ASTN2: variants seen among roughly 807,000 people sequenced by gnomAD.
ASTN2 encodes astrotactin 2.
A neutral mutation model predicts 139.8 loss-of-function variants in ASTN2; 54 were observed. The observed-to-expected ratio is 0.39, with a 90% CI of 0.31 to 0.48. The LOEUF (loss-of-function observed/expected upper bound fraction) is 0.48, where lower values mean the gene tolerates loss of function less well. Ranked by LOEUF, ASTN2 falls within the 20% of genes least tolerant of loss-of-function variation. The pLI is 0.95. For synonymous variants in ASTN2, 756 were observed against 719.5 expected (o/e 1.05, Z -0.81); for missense variants, 1,565 against 1,725.1 (o/e 0.91, Z 1.64).
intron 16 of ASTN2, chr9:116,687,150 C>T: frequency 2.8e-6 from 3 of 1,074,452 alleles, no homozygotes; most frequent in Non-Finnish European, 3.4e-6. Context: ...GATTACGTGT[C>T]GCTAAGGCCC....
At position 116,976,923 on chromosome 9, in the gene ASTN2, C is replaced by G. The variant is rs1836356453; in HGVS notation, c.1592-138G>C. 3 of 671,596 alleles carry G rather than the reference C, an allele frequency of 4.5e-6. No individual in the cohort carries two copies. In the Admixed American group the frequency reaches 7.9e-5, roughly 18 times the overall value. 41.6% of individuals were successfully genotyped at this position (671,596 alleles called of 1,614,324 possible). ...GCACATGGAAAGAGGGTAATCTTGTCCATCAACCACTGTGGTTAACAGAGT... is the reference window on the plus strand; with the variant it reads ...GCACATGGAAAGAGGGTAATCTTGTGCATCAACCACTGTGGTTAACAGAGT... On this transcript the variant is annotated intron_variant, in intron 7 of 22. Transcript: ENST00000313400.
intron 4 of ASTN2, among the ~76,000 whole-genome samples, chr9:117,134,266 TTATATATATATA>T (rs5900267): frequency 5.4e-4 from 50 of 92,610 alleles, no homozygotes; most frequent in Admixed American, 3.0e-3. Context: ...CTAATGAAAA[TTATATATATATA>T]TATATATATA....
chr9:116,918,236 G>A lies in ASTN2; in HGVS notation c.1890-54503C>T, dbSNP rs540387426. Reference sequence around the variant, plus strand: ...TGATACAGTACCCCATACCTGTGTGGATGGGCAAAGCACCCAGAGCTAGCA... The same window carrying A: ...TGATACAGTACCCCATACCTGTGTGAATGGGCAAAGCACCCAGAGCTAGCA... On this transcript the variant is annotated intron_variant, in intron 10 of 22. Coordinates refer to ENST00000313400, the MANE Select transcript of ASTN2 (RefSeq NM_001365068.1). Among the ~76,000 whole-genome samples, 6 of 152,240 alleles carry A rather than the reference G, an allele frequency of 3.9e-5. No individual in the cohort carries two copies. The South Asian group carries it at 1.2e-3, about 32-fold the overall frequency.
intron 10 of ASTN2, among the ~76,000 whole-genome samples, chr9:116,964,248 T>TGC (rs1475042160): frequency 1.5e-5 from 2 of 135,214 alleles, no homozygotes; most frequent in African/African-American, 5.5e-5. Flanking sequence ...TGTGTGTGTG[T>TGC]GTGTGTGTGC....
At chr9:116,548,634 G>C (rs62574402) in intron 19 of ASTN2, among the ~76,000 whole-genome samples, 3 of 151,898 alleles carry the variant, frequency 2.0e-5, no homozygotes, top group Non-Finnish European at 4.4e-5. Context: ...CACTATGCTC[G>C]GCTAATTTTT....
intron 3 of ASTN2, among the ~76,000 whole-genome samples, chr9:117,208,077 A>G (rs1394254611): frequency 2.0e-5 from 3 of 152,218 alleles, no homozygotes; most frequent in African/African-American, 7.2e-5. Flanking sequence ...TAAGAAATCA[A>G]CATAGGGACA....
At position 116,978,495 on chromosome 9, in the gene ASTN2, GCACA is replaced by G. The variant is rs5900243; in HGVS notation, c.1592-1714_1592-1711del. The stretch of plus-strand genomic sequence containing the variant: ...ATCTCTCTCTCTCTCTCTCTCTCAC[GCACA>G]CACACACACACACACACACACACAG... On this transcript the variant is annotated intron_variant, in intron 7 of 22. Transcript: ENST00000313400. Among the ~76,000 whole-genome samples, 19 of 127,686 alleles carry G rather than the reference GCACA, an allele frequency of 1.5e-4. No homozygotes were observed. The South Asian group carries it at 1.8e-3, about 12-fold the overall frequency. The allele number at this position is 127,686 out of a possible 152,430, so 83.8% of individuals were successfully genotyped here. A position where few individuals can be genotyped will look rare whatever the true frequency, so the allele number is the denominator to read the frequency against.
At chr9:117,410,948 CT>C in intron 1 of ASTN2, among the ~76,000 whole-genome samples, 1 of 152,296 alleles carries the variant, frequency 6.6e-6, no homozygotes, top group East Asian at 1.9e-4. Context: ...GAGAAAAGCT[CT>C]TGTCTAACAA....
intron 20 of ASTN2, among the ~76,000 whole-genome samples, chr9:116,456,901 C>T (rs554259307): frequency 6.6e-6 from 1 of 152,234 alleles, no homozygotes; most frequent in East Asian, 1.9e-4. Context: ...CAAAGCTATC[C>T]TGAGCAGAGA....
chr9:117,279,410 T>C (rs542599365), intron 2 of ASTN2, among the ~76,000 whole-genome samples: 1 of 152,324 alleles, frequency 6.6e-6, no homozygotes, highest in South Asian at 2.1e-4. Context: ...ATATCAATAG[T>C]ATCATTAATA....
rs901236461 is a variant in ASTN2, at chr9:116,478,727, G to C, written c.3497+8632C>G. 2.6e-5 allele frequency among the ~76,000 whole-genome samples: 4 copies of C among 152,018 alleles called. No homozygotes were observed. In the South Asian group the frequency reaches 8.3e-4, roughly 32 times the overall value. On this transcript the variant is annotated intron_variant, in intron 20 of 22. Coordinates refer to ENST00000313400, the MANE Select transcript of ASTN2 (RefSeq NM_001365068.1). The stretch of plus-strand genomic sequence containing the variant: ...GCACAGCCTCAGGCTGGGCGCAGTG[G>C]CTCACACATGTAATCCCAGCACTTT...
intron 19 of ASTN2, among the ~76,000 whole-genome samples, chr9:116,558,648 CT>C (rs1199185531): frequency 6.6e-6 from 1 of 152,156 alleles, no homozygotes; most frequent in African/African-American, 2.4e-5. Flanking sequence ...CTCAGAGATG[CT>C]TGCTTTTGTC....
intron 6 of ASTN2, among the ~76,000 whole-genome samples, chr9:117,019,660 G>A (rs532206486): frequency 6.6e-5 from 10 of 152,080 alleles, no homozygotes; most frequent in East Asian, 1.9e-4. Context: ...TGAGGTCCAC[G>A]TTTCTGGTAT....
intron 11 of ASTN2, among the ~76,000 whole-genome samples, chr9:116,861,214 T>TACACACACAC (rs60909208): frequency 7.7e-5 from 11 of 143,660 alleles, no homozygotes; most frequent in East Asian, 4.2e-4. Flanking sequence ...AAGCCCAAGC[T>TACACACACAC]ACACACACAC....
chr9:117,151,530 G>C (rs1222728487), intron 3 of ASTN2, among the ~76,000 whole-genome samples: 1 of 152,120 alleles, frequency 6.6e-6, no homozygotes, highest in Non-Finnish European at 1.5e-5. Context: ...AATGAAAACA[G>C]AGTGTGCTAA....
intron 2 of ASTN2, among the ~76,000 whole-genome samples, chr9:117,233,658 TA>T (rs1306307843): frequency 6.6e-6 from 1 of 152,154 alleles, no homozygotes; most frequent in Non-Finnish European, 1.5e-5. Flanking sequence ...ACTCAGTGCC[TA>T]AAATAATTAG....
Position 117,159,501 on chromosome 9 carries a change from T to G in ASTN2, c.1016-18023A>C, listed in dbSNP as rs1490924994. 3.9e-5 allele frequency among the ~76,000 whole-genome samples: 6 copies of G among 152,126 alleles called. No individual in the cohort carries two copies. The South Asian group carries it at 6.2e-4, about 16-fold the overall frequency. On this transcript the variant is annotated intron_variant, in intron 3 of 22. Transcript: ENST00000313400. Reference sequence around the variant, plus strand: ...CCCATGTGTGGGGAGCTGAGCTTGATTAGATATTTCTAGAAAGCAACCAGG... The same window carrying G: ...CCCATGTGTGGGGAGCTGAGCTTGAGTAGATATTTCTAGAAAGCAACCAGG...
At chr9:117,240,353 C>T (rs1200480358) in intron 2 of ASTN2, among the ~76,000 whole-genome samples, 5 of 152,048 alleles carry the variant, frequency 3.3e-5, no homozygotes, top group East Asian at 1.9e-4. Flanking sequence ...TGTGTGACAG[C>T]GGAAGGGAAC....
chr9:116,995,134 C>T (rs1223367119), intron 7 of ASTN2, among the ~76,000 whole-genome samples: 2 of 152,182 alleles, frequency 1.3e-5, no homozygotes, highest in Non-Finnish European at 2.9e-5. Flanking sequence ...TAAGTGTAAA[C>T]ACTTGTGTTA....
Sources: gnomAD v4.1 joint callset for allele counts (sites outside exome capture counted in the v4.1 genomes callset) on GRCh38, gnomAD v4.1.1 for gene constraint, MANE v1.5 for transcripts, NCBI Gene and HGNC (gene_info 2026-07-23, HGNC 2026-07-21) for gene names.